THSD7B: variants seen among roughly 807,000 people sequenced by gnomAD.
The protein encoded by THSD7B is thrombospondin type-1 domain-containing protein 7B.
A neutral mutation model predicts 213.6 loss-of-function variants in THSD7B; 138 were observed. The ratio of observed to expected loss-of-function variants is 0.65; its 90% CI spans 0.56 to 0.74. The LOEUF (loss-of-function observed/expected upper bound fraction) is 0.74, where lower values mean the gene tolerates loss of function less well. THSD7B is among the 30% of genes least tolerant of loss of function. THSD7B has a pLI of 0.00. For missense variants in THSD7B, 1,931 were observed against 1,991.5 expected (o/e 0.97, Z 0.58); for synonymous variants, 742 against 687.0 (o/e 1.08, Z -1.25).
intron 2 of THSD7B, among the ~76,000 whole-genome samples, chr2:136,928,580 G>A (rs559174844): frequency 6.6e-6 from 1 of 152,000 alleles, no homozygotes; most frequent in African/African-American, 2.4e-5. Context: ...GTGAATTCTT[G>A]GTATAAAAGG....
At chr2:137,276,142 T>G (rs1282632655) in intron 12 of THSD7B, 116 bp downstream of exon 12, 2 of 746,586 alleles carry the variant, frequency 2.7e-6, no homozygotes, top group African/African-American at 1.8e-5. Flanking sequence ...GCTTGAATTA[T>G]TCATATTTAT....
intron 12 of THSD7B, among the ~76,000 whole-genome samples, chr2:137,362,787 G>C (rs1685298293): frequency 6.6e-6 from 1 of 152,048 alleles, no homozygotes; most frequent in African/African-American, 2.4e-5. Flanking sequence ...AATAATAATG[G>C]GAGACTTTAA....
At chr2:137,644,665 A>C (rs543411507) in intron 21 of THSD7B, among the ~76,000 whole-genome samples, 6 of 152,326 alleles carry the variant, frequency 3.9e-5, no homozygotes, top group Non-Finnish European at 8.8e-5. Flanking sequence ...TGGATTTTTT[A>C]AATTACTGAT....
chr2:137,677,195 G>A lies in THSD7B; in HGVS notation c.*590G>A, dbSNP rs1683722999. ...ATTGTATTTTGTTTTGTAGCCAGGG[G>A]ATGATGGCGCTTCATGGGTTGCAGC... On this transcript the variant is annotated 3_prime_UTR_variant, in exon 28 of 28. Transcript: ENST00000409968. 1.3e-5 allele frequency: 2 copies of A among 152,246 alleles called. No homozygotes were observed. Among genetic ancestry groups the A allele is most frequent in the Non-Finnish European group, 3.0e-5 (2 of 67,748 alleles). The allele number at this position is 152,246 out of a possible 1,614,324, so 9.4% of individuals were successfully genotyped here.
Position 137,173,236 on chromosome 2 carries a change from G to A in THSD7B, c.1723+2298G>A, listed in dbSNP as rs147480251. Among the ~76,000 whole-genome samples the A allele has an allele frequency of 2.4e-3, 367 of 152,214 alleles. 3 individuals are homozygous for A. Among genetic ancestry groups the A allele is most frequent in the African/African-American group, 8.4e-3 (348 of 41,528 alleles). The stretch of plus-strand genomic sequence containing the variant: ...TCTACCCGGTCCTGAAGAATTGGTC[G>A]AAGAGCATTCTTTTAAAACATGAAA... On this transcript the variant is annotated intron_variant, in intron 7 of 27. Transcript: ENST00000409968.
chr2:137,380,232 C>T (rs76014726), intron 12 of THSD7B, among the ~76,000 whole-genome samples: 4,772 of 145,962 alleles, frequency 0.033, 273 homozygotes, highest in African/African-American at 0.12. Context: ...GGCAAAAAAG[C>T]GATAACTCAT....
chr2:137,439,522 A>AGT (rs1468284176), intron 14 of THSD7B, among the ~76,000 whole-genome samples: 1 of 90,390 alleles, frequency 1.1e-5, no homozygotes, highest in African/African-American at 3.0e-5. Flanking sequence ...AGACAACAGA[A>AGT]GTCTAAATGT....
intron 12 of THSD7B, among the ~76,000 whole-genome samples, chr2:137,360,600 C>G (rs1165772055): frequency 6.6e-6 from 1 of 152,052 alleles, no homozygotes; most frequent in African/African-American, 2.4e-5. Flanking sequence ...ACCCACAGAG[C>G]CTTGCTCACT....
At chr2:137,333,043 C>T (rs529690349) in intron 12 of THSD7B, among the ~76,000 whole-genome samples, 8 of 151,660 alleles carry the variant, frequency 5.3e-5, no homozygotes, top group South Asian at 4.2e-4. Context: ...GATCCGAGAA[C>T]GAAGGAAACC....
chr2:136,981,381 G>A (rs1558875525), intron 2 of THSD7B, among the ~76,000 whole-genome samples: 2 of 152,116 alleles, frequency 1.3e-5, no homozygotes, highest in African/African-American at 4.8e-5. Context: ...CCTGGGATGT[G>A]TGCTTATTAG....
At chr2:137,274,235 C>T (rs1478436098) in intron 11 of THSD7B, among the ~76,000 whole-genome samples, 1 of 152,044 alleles carries the variant, frequency 6.6e-6, no homozygotes, top group Non-Finnish European at 1.5e-5. Flanking sequence ...ATTTTGCTTT[C>T]CCCTTTATTG....
At chr2:137,637,099 T>C (rs1682847459) in intron 20 of THSD7B, among the ~76,000 whole-genome samples, 1 of 152,244 alleles carries the variant, frequency 6.6e-6, no homozygotes, top group South Asian at 2.1e-4. Context: ...AACTCATCAT[T>C]GCCAAAACAA....
chr2:137,559,220 A>G (rs1234355464), intron 15 of THSD7B, among the ~76,000 whole-genome samples: 1 of 152,200 alleles, frequency 6.6e-6, no homozygotes, highest in Non-Finnish European at 1.5e-5. Context: ...ACTACTTTAA[A>G]GTTCATATGG....
intron 1 of THSD7B, among the ~76,000 whole-genome samples, chr2:136,877,922 C>CT (rs200809492): frequency 0.13 from 19,439 of 150,848 alleles, 1,474 homozygotes; most frequent in Middle Eastern, 0.23. Flanking sequence ...CATTTCTTTT[C>CT]TTGTTTTTTT....
chr2:137,176,071 A>G (rs866946152), intron 7 of THSD7B, among the ~76,000 whole-genome samples: 3 of 152,122 alleles, frequency 2.0e-5, no homozygotes, highest in South Asian at 4.1e-4. Context: ...GATATTCTAA[A>G]TGCTATTTTA....
chr2:137,343,472 T>C (rs1684806764), intron 12 of THSD7B, among the ~76,000 whole-genome samples: 1 of 151,820 alleles, frequency 6.6e-6, no homozygotes, highest in Non-Finnish European at 1.5e-5. Flanking sequence ...TCATTTGTAA[T>C]GTCTGAGAGG....
intron 2 of THSD7B, among the ~76,000 whole-genome samples, chr2:137,055,781 C>T (rs1687151619): frequency 6.6e-6 from 1 of 152,174 alleles, no homozygotes; most frequent in African/African-American, 2.4e-5. Flanking sequence ...TATTACCTTA[C>T]CTTTCCCCTG....
chr2:137,119,946 C>T lies in THSD7B; in HGVS notation c.1369+4653C>T, dbSNP rs530711799. On this transcript the variant is annotated intron_variant, in intron 5 of 27. Transcript: ENST00000409968. ...TTGAAAGACTGGAAATATCTTTCAC[C>T]TGTCTTTAGAAATTGGTTTTAAAGT... Among the ~76,000 whole-genome samples, 6 of 152,220 alleles carry T rather than the reference C, an allele frequency of 3.9e-5. No individual in the cohort carries two copies. In the South Asian group the frequency reaches 1.2e-3, roughly 32 times the overall value.
At chr2:137,136,295 A>G (rs1277879797) in intron 5 of THSD7B, among the ~76,000 whole-genome samples, 1 of 152,242 alleles carries the variant, frequency 6.6e-6, no homozygotes, top group African/African-American at 2.4e-5. Flanking sequence ...AACTTAAAGA[A>G]TAATAAAATT....
Sources: gnomAD v4.1 joint callset for allele counts (sites outside exome capture counted in the v4.1 genomes callset) on GRCh38, gnomAD v4.1.1 for gene constraint, MANE v1.5 for transcripts, NCBI Gene and HGNC (gene_info 2026-07-23, HGNC 2026-07-21) for gene names.